ARHGAP15: variants seen among roughly 807,000 people sequenced by gnomAD.
ARHGAP15 encodes the protein rho GTPase-activating protein 15.
Under a neutral mutation model 63.7 loss-of-function variants are expected in ARHGAP15, and 51 were observed. The ratio of observed to expected loss-of-function variants is 0.80; its 90% CI spans 0.64 to 1.01. The LOEUF (loss-of-function observed/expected upper bound fraction) is 1.01, where lower values mean the gene tolerates loss of function less well. Ranked by LOEUF, ARHGAP15 falls within the 50% of genes least tolerant of loss-of-function variation. The pLI, the probability that ARHGAP15 is intolerant of heterozygous loss-of-function variation, is 0.00. For missense variants in ARHGAP15, 560 were observed against 564.6 expected, an observed-to-expected ratio of 0.99 and a Z score of 0.08; for synonymous variants, 191 against 193.8, an observed-to-expected ratio of 0.99 and a Z score of 0.12.
intron 6 of ARHGAP15, among the ~76,000 whole-genome samples, chr2:143,251,720 T>A (rs1243416635): frequency 2.0e-5 from 3 of 151,640 alleles, no homozygotes; most frequent in African/African-American, 7.3e-5. Flanking sequence ...AAAATAAAAT[T>A]TAAAAAGGAA....
chr2:143,418,498 C>T (rs938507461), intron 6 of ARHGAP15, among the ~76,000 whole-genome samples: 2 of 152,012 alleles, frequency 1.3e-5, no homozygotes, highest in Non-Finnish European at 2.9e-5. Context: ...ATTTTTTGTT[C>T]GTCCCAAATT....
rs372815221 is a variant in ARHGAP15, at chr2:143,517,305, C to A, written c.827-1961C>A. 7.2e-5 allele frequency among the ~76,000 whole-genome samples: 11 copies of A among 152,198 alleles called. No homozygotes were observed. In the South Asian group the frequency reaches 2.3e-3, roughly 32 times the overall value. On this transcript the variant is annotated intron_variant, in intron 9 of 13. Coordinates refer to ENST00000295095, the MANE Select transcript of ARHGAP15 (RefSeq NM_018460.4). ...TTGTTCCCTCCATGTTGGGTTGTCA[C>A]CAATTCAAACCATTATGTTTTCCTA...
intron 6 of ARHGAP15, chr2:143,351,319 A>T (rs1685561400): frequency 6.6e-6 from 1 of 152,208 alleles, no homozygotes; most frequent in Non-Finnish European, 1.5e-5. Flanking sequence ...TTGATAAGGC[A>T]CATTCTTCTA....
At chr2:143,316,852 A>C (rs1272335416) in intron 6 of ARHGAP15, among the ~76,000 whole-genome samples, 1 of 151,360 alleles carries the variant, frequency 6.6e-6, no homozygotes, top group Non-Finnish European at 1.5e-5. Flanking sequence ...TTCTATATTC[A>C]CTCCTCTTAT....
rs564596147 is a variant in ARHGAP15, at chr2:143,497,610, G to A, written c.826+10115G>A. ...CTTTTCAGGGCCTCCATAGACCTAC[G>A]AACAGTATCCAAAGCCAGTGCTGGA... On this transcript the variant is annotated intron_variant, in intron 9 of 13. Coordinates refer to ENST00000295095, the MANE Select transcript of ARHGAP15 (RefSeq NM_018460.4). Among the ~76,000 whole-genome samples, 19 of 152,206 alleles carry A rather than the reference G, an allele frequency of 1.2e-4. 1 individual carries two copies. Among genetic ancestry groups the A allele is most frequent in the Admixed American group, 8.5e-4 (13 of 15,292 alleles).
chr2:143,464,350 G>T (rs1327074961), intron 8 of ARHGAP15, among the ~76,000 whole-genome samples: 1 of 152,034 alleles, frequency 6.6e-6, no homozygotes, highest in Non-Finnish European at 1.5e-5. Flanking sequence ...TAGAAATAAA[G>T]AATAGACTGA....
chr2:143,701,661 T>A (rs1684095315), intron 12 of ARHGAP15, among the ~76,000 whole-genome samples: 1 of 151,942 alleles, frequency 6.6e-6, no homozygotes, highest in Admixed American at 6.6e-5. Context: ...AGCCCAGGAG[T>A]TGAGACTGCA....
At chr2:143,448,006 C>T (rs1690226661) in intron 8 of ARHGAP15, among the ~76,000 whole-genome samples, 1 of 152,046 alleles carries the variant, frequency 6.6e-6, no homozygotes. Flanking sequence ...AGAAGAGAGC[C>T]AGGGAAGAGA....
At chr2:143,652,224 A>G (rs1157851952) in intron 12 of ARHGAP15, among the ~76,000 whole-genome samples, 1 of 152,062 alleles carries the variant, frequency 6.6e-6, no homozygotes, top group Non-Finnish European at 1.5e-5. Context: ...GTGGAGGGAC[A>G]GAGAGTTGAT....
chr2:143,295,336 A>G (rs1232567672), intron 6 of ARHGAP15: 3 of 152,066 alleles, frequency 2.0e-5, no homozygotes, highest in East Asian at 1.9e-4. Context: ...TCTTTTCCCT[A>G]TGATTACTTA....
chr2:143,288,703 G>A (rs77339302), intron 6 of ARHGAP15, among the ~76,000 whole-genome samples: 1,852 of 151,150 alleles, frequency 0.012, 32 homozygotes, highest in South Asian at 0.1. Flanking sequence ...TTCACCTGAA[G>A]GGCAAAATCC....
chr2:143,422,767 C>T (rs1688978626), intron 6 of ARHGAP15, among the ~76,000 whole-genome samples: 1 of 152,074 alleles, frequency 6.6e-6, no homozygotes, highest in Non-Finnish European at 1.5e-5. Context: ...GGGAGATGCT[C>T]TGCAGAGCCC....
chr2:143,747,336 G>T (rs1166835468), intron 13 of ARHGAP15, among the ~76,000 whole-genome samples: 3 of 151,984 alleles, frequency 2.0e-5, no homozygotes, highest in Non-Finnish European at 2.9e-5. Context: ...TTAAAATCTT[G>T]TGTTGGTGTG....
chr2:143,394,050 C>A (rs1231338950), intron 6 of ARHGAP15, among the ~76,000 whole-genome samples: 1 of 152,158 alleles, frequency 6.6e-6, no homozygotes, highest in East Asian at 1.9e-4. Flanking sequence ...CCACCCTTTT[C>A]TAAAGCAAGG....
chr2:143,556,152 A>G (rs1695787897), intron 10 of ARHGAP15, among the ~76,000 whole-genome samples: 1 of 152,072 alleles, frequency 6.6e-6, no homozygotes, highest in African/African-American at 2.4e-5. Flanking sequence ...AACCTTAAAT[A>G]TATGATGTAA....
chr2:143,579,424 T>C (rs568711697), intron 11 of ARHGAP15, among the ~76,000 whole-genome samples: 1 of 152,306 alleles, frequency 6.6e-6, no homozygotes, highest in East Asian at 1.9e-4. Flanking sequence ...CATGTTTTTC[T>C]GTCCTTGCAA....
At chr2:143,225,832 C>G (rs1693191224) in intron 4 of ARHGAP15, among the ~76,000 whole-genome samples, 1 of 152,032 alleles carries the variant, frequency 6.6e-6, no homozygotes, top group African/African-American at 2.4e-5. Context: ...CAGGTTTACG[C>G]TAGGTATTCT....
At chr2:143,458,832 A>G (rs531385866) in intron 8 of ARHGAP15, among the ~76,000 whole-genome samples, 29 of 152,340 alleles carry the variant, frequency 1.9e-4, no homozygotes, top group African/African-American at 5.5e-4. Flanking sequence ...AATATTTGCA[A>G]TACTTGGATT....
At chr2:143,762,348 A>C (rs532768724) in intron 13 of ARHGAP15, among the ~76,000 whole-genome samples, 4 of 152,222 alleles carry the variant, frequency 2.6e-5, no homozygotes, top group African/African-American at 7.2e-5. Context: ...TTGTTTTGTC[A>C]TAAAAGGGGA....
Sources: allele counts gnomAD v4.1 joint callset (sites outside exome capture counted in the v4.1 genomes callset), GRCh38; gene constraint gnomAD v4.1.1; transcripts MANE v1.5; gene names NCBI Gene and HGNC (gene_info 2026-07-23, HGNC 2026-07-21).